HDAC4: variants seen among roughly 807,000 people sequenced by gnomAD.
HDAC4 encodes histone deacetylase A.
A neutral mutation model predicts 135.1 loss-of-function variants in HDAC4; 16 were observed. That is an observed-to-expected ratio of 0.12 (90% CI 0.08 to 0.18). HDAC4 has a LOEUF of 0.18. HDAC4 is among the 10% of genes least tolerant of loss of function. HDAC4 has a pLI of 1.00. For synonymous variants in HDAC4, 685 were observed against 653.4 expected (o/e 1.05, Z -0.74); for missense variants, 1,143 against 1,511.8 (o/e 0.76, Z 4.05).
At chr2:239,337,481 C>CA (rs1228066576) in intron 2 of HDAC4, among the ~76,000 whole-genome samples, 14 of 152,278 alleles carry the variant, frequency 9.2e-5, no homozygotes, top group South Asian at 2.1e-4. Context: ...AATCAGGACT[C>CA]ACGGGAGTAA....
At chr2:239,282,577 C>A (rs2050852802) in intron 2 of HDAC4, among the ~76,000 whole-genome samples, 1 of 149,836 alleles carries the variant, frequency 6.7e-6, no homozygotes, top group African/African-American at 2.5e-5. Flanking sequence ...AATGAACACA[C>A]CACTCTACAA....
chr2:239,134,732 G>A, intron 9 of HDAC4, 89 bp from the exon 10 acceptor site: 1 of 936,348 alleles, frequency 1.1e-6, no homozygotes, highest in Non-Finnish European at 1.8e-6. Flanking sequence ...GAAAACACCT[G>A]CACTGAATTC....
At chr2:239,379,734 G>GC (rs1359236286) in intron 1 of HDAC4, among the ~76,000 whole-genome samples, 11 of 152,170 alleles carry the variant, frequency 7.2e-5, no homozygotes, top group Non-Finnish European at 1.2e-4. Flanking sequence ...CTTTCTCCAA[G>GC]CCCCCCATCG....
chr2:239,097,854 G>A (rs1179849173), intron 16 of HDAC4, among the ~76,000 whole-genome samples: 1 of 152,200 alleles, frequency 6.6e-6, no homozygotes, highest in Non-Finnish European at 1.5e-5. Flanking sequence ...GCCTTGGTGA[G>A]TGGCTGAGTA....
chr2:239,250,970 C>T (rs79241985), intron 2 of HDAC4, among the ~76,000 whole-genome samples: 4,842 of 152,218 alleles, frequency 0.032, 257 homozygotes, highest in African/African-American at 0.11. Context: ...TGGTTCACCT[C>T]GAGACCTGCA....
rs556667840 is a variant in HDAC4 at position 239,349,566 on chromosome 2, C to T, written c.22+3112G>A. On this transcript the variant is annotated intron_variant, in intron 2 of 26. Coordinates refer to ENST00000543185, the MANE Select transcript of HDAC4 (RefSeq NM_001378414.1). The surrounding 1 kb of genome is among the most constrained non-coding windows in gnomAD (Gnocchi z 5.7). ...GGATGGAGCTGCTTGGGAAGGCACA[C>T]AAGCGAGTGGGCCTCGCCCAGGAGG... 9.8e-5 allele frequency among the ~76,000 whole-genome samples: 15 copies of T among 152,326 alleles called. No homozygotes were observed. The highest frequency in any genetic ancestry group is 7.2e-4 in the Admixed American group (11 of 15,310).
chr2:239,383,940 G>C (rs968225531), intron 1 of HDAC4, among the ~76,000 whole-genome samples: 9 of 152,260 alleles, frequency 5.9e-5, no homozygotes, highest in African/African-American at 1.9e-4. Flanking sequence ...CTGGAGGGCA[G>C]GGCGGCTGGA....
intron 2 of HDAC4, among the ~76,000 whole-genome samples, chr2:239,268,288 A>G (rs2049863156): frequency 7.0e-6 from 1 of 143,722 alleles, no homozygotes; most frequent in Non-Finnish European, 1.6e-5. Flanking sequence ...GCCAGGCCCC[A>G]CTGACAGCCC....
chr2:239,388,466 T>G (rs766042797), intron 1 of HDAC4, among the ~76,000 whole-genome samples: 21 of 152,218 alleles, frequency 1.4e-4, no homozygotes, highest in Non-Finnish European at 2.2e-4. Context: ...CACCTCTGCA[T>G]GGGACAGATG....
chr2:239,198,496 AC>A (rs2045547500), intron 3 of HDAC4, among the ~76,000 whole-genome samples: 1 of 152,150 alleles, frequency 6.6e-6, no homozygotes, highest in South Asian at 2.1e-4. Context: ...GGACACAGTG[AC>A]TAGCCCCCCG....
chr2:239,066,971 T>C (rs766646790), intron 23 of HDAC4, 116 bp from the exon 24 acceptor site: 3 of 1,283,094 alleles, frequency 2.3e-6, no homozygotes, highest in South Asian at 2.6e-5. Context: ...TCGAGACACA[T>C]GGCCAGGCCG....
chr2:239,220,340 A>G (rs1400286404), intron 3 of HDAC4, among the ~76,000 whole-genome samples: 3 of 152,242 alleles, frequency 2.0e-5, no homozygotes, highest in Non-Finnish European at 4.4e-5. Context: ...GCCTACATGT[A>G]AGTAACTACA....
chr2:239,075,607 A>G (rs147301173), intron 22 of HDAC4, among the ~76,000 whole-genome samples: 1 of 152,162 alleles, frequency 6.6e-6, no homozygotes, highest in South Asian at 2.1e-4. Flanking sequence ...AAGGGGAGAG[A>G]GCGGCTTCTC....
chr2:239,073,420 C>A (rs2034401968), intron 22 of HDAC4, among the ~76,000 whole-genome samples: 2 of 152,236 alleles, frequency 1.3e-5, no homozygotes, highest in African/African-American at 4.8e-5. Context: ...AGTCTGTGGG[C>A]CACACGGTCT....
intron 9 of HDAC4, 116 bp from the exon 10 acceptor site, chr2:239,134,759 ACGTACAT>A: frequency 1.3e-6 from 1 of 786,524 alleles, no homozygotes; most frequent in Non-Finnish European, 2.3e-6. Context: ...ATGAGCGTAA[ACGTACAT>A]GTAACAAATG....
chr2:239,393,840 G>C (rs983932015), intron 1 of HDAC4, among the ~76,000 whole-genome samples: 1 of 152,228 alleles, frequency 6.6e-6, no homozygotes, highest in Non-Finnish European at 1.5e-5. Context: ...GTCTGGCACA[G>C]AGAATGTGTT....
At chr2:239,055,634 T>C (rs1415829674) in intron 24 of HDAC4, among the ~76,000 whole-genome samples, 2 of 151,568 alleles carry the variant, frequency 1.3e-5, no homozygotes, top group Non-Finnish European at 1.5e-5. Context: ...TGAGAATCAC[T>C]TGAATCCAGG....
chr2:239,208,326 C>CAAAAA (rs759398313), intron 3 of HDAC4, among the ~76,000 whole-genome samples: 5 of 68,200 alleles, frequency 7.3e-5, no homozygotes, highest in Admixed American at 2.0e-4. Context: ...GACTCCGTCC[C>CAAAAA]AAAAAAAAAA....
At chr2:239,232,066 C>A (rs1019941476) in intron 3 of HDAC4, among the ~76,000 whole-genome samples, 1 of 58,252 alleles carries the variant, frequency 1.7e-5, no homozygotes, top group Non-Finnish European at 4.4e-5. Context: ...CTCCCCGAAG[C>A]ACCCCTCTCC....
Sources: gnomAD v4.1 joint callset for allele counts (sites outside exome capture counted in the v4.1 genomes callset) on GRCh38, gnomAD v4.1.1 for gene constraint, Gnocchi (gnomAD v3.1) non-coding constraint, MANE v1.5 for transcripts, NCBI Gene and HGNC (gene_info 2026-07-23, HGNC 2026-07-21) for gene names.